Variants in CARD19 observed in about 807,000 individuals in gnomAD.
CARD19 encodes caspase recruitment domain family member 19.
CARD19 carries 25 observed loss-of-function variants against 24.1 expected under a neutral mutation model. The ratio of observed to expected loss-of-function variants is 1.04; its 90% CI spans 0.76 to 1.45. The LOEUF (loss-of-function observed/expected upper bound fraction) is 1.45. Among genes scored for constraint, CARD19 ranks in the 40% most tolerant of loss-of-function variants. The probability of loss-of-function intolerance (pLI) is 0.00; values close to 1 mark genes in which losing one functional copy is unlikely to be tolerated. For synonymous variants in CARD19, 103 were observed against 104.9 expected, an observed-to-expected ratio of 0.98 and a Z score of 0.11; for missense variants, 241 against 247.4, an observed-to-expected ratio of 0.97 and a Z score of 0.17.
In CARD19 at chr9:93,110,640, C is replaced by T. The variant is rs571293179; in HGVS notation, c.223C>T (p.Arg75Trp). ...GAGCCACCTGCAGCGGAGCGGTGAG[C>T]GGGACTGCCAGGAGTTCTACCGAGC... ...LLSHLQRSGE[R>W]DCQEFYRALY... is the part of the protein sequence containing the mutation. The change falls in exon 3 of 6, where the codon CGG becomes TGG. Residue 75 changes from arginine to tryptophan, a missense_variant. Physicochemically the swap from Arg to Trp is moderately radical, Grantham distance 101 (BLOSUM62 -3). Transcript: ENST00000375464. 7.1e-5 allele frequency: 114 copies of T among 1,613,654 alleles called. No individual in the cohort carries two copies. In the South Asian group the frequency reaches 9.1e-4, roughly 13 times the overall value.
In CARD19 at chr9:93,110,675, C is replaced by T. The variant is rs780748063; in HGVS notation, c.258C>T (p.Ile86=). The T allele has an allele frequency of 1.1e-5, 17 of 1,613,220 alleles. No individual in the cohort carries two copies. The highest frequency in any genetic ancestry group is 1.6e-4 in the Middle Eastern group (1 of 6,084). The change falls in exon 3 of 6, where the codon ATC becomes ATT. Residue 86 remains isoleucine (I), a synonymous_variant. Transcript: ENST00000375464. ...DCQEFYRALY[I]HAQPLHSRLP... ...AGGAGTTCTACCGAGCCCTGTATAT[C>T]CATGCCCAGCCCCTGCACAGCCGCC...
rs1267240232 is a variant in CARD19 at position 93,100,974 on chromosome 9, CT to C, written c.7+4626del. Among the ~76,000 whole-genome samples the C allele has an allele frequency of 2.0e-5, 3 of 152,334 alleles. No individual in the cohort carries two copies. The East Asian group carries it at 5.8e-4, about 29-fold the overall frequency. On this transcript the variant is annotated intron_variant, in intron 1 of 5. Coordinates refer to ENST00000375464, the MANE Select transcript of CARD19 (RefSeq NM_032310.5). ...TACCACATTTTGATAATTCATTCGT[CT>C]TTTGGTGAACATTTGCACTATTTCC...
rs1246884140 is a variant in CARD19, at chr9:93,110,508, C to T, written c.151-60C>T. 1.4e-5 allele frequency: 22 copies of T among 1,543,770 alleles called. No individual in the cohort carries two copies. In the Admixed American group the frequency reaches 4.0e-4, roughly 28 times the overall value. ...CTGGGGGCCTGACCTTGGTGCCCTG[C>T]CCTGACCCACAGCCAGCCCCCCTGG... is the stretch of plus-strand genomic sequence containing the variant. On this transcript the variant is annotated intron_variant, in intron 2 of 5. Transcript: ENST00000375464.
At chr9:93,101,901 C>T (rs111912370) in intron 1 of CARD19, among the ~76,000 whole-genome samples, 2,122 of 151,354 alleles carry the variant, frequency 0.014, 58 homozygotes, top group African/African-American at 0.049. Flanking sequence ...CTAATGAGTA[C>T]GAAGTGATAT....
Position 93,110,686 on chromosome 9 carries a change from CCCTGCACAGCCG to C in CARD19, c.275_286del (p.His92_Leu95del), listed in dbSNP as rs1171021100. On this transcript the variant is annotated inframe_deletion, in exon 3 of 6. Transcript: ENST00000375464. ...CGAGCCCTGTATATCCATGCCCAGC[CCCTGCACAGCCG>C]CCTGCCCAGCCGCCACGCTCTGCGT... 1 of 1,612,748 alleles carries C rather than the reference CCCTGCACAGCCG, an allele frequency of 6.2e-7. No individual in the cohort carries two copies.
intron 1 of CARD19, among the ~76,000 whole-genome samples, chr9:93,100,372 G>T (rs543954244): frequency 6.6e-6 from 1 of 152,292 alleles, no homozygotes; most frequent in South Asian, 2.1e-4. Context: ...GTGCAGTGGC[G>T]CACTCTCGGC....
At chr9:93,112,095 G>A (rs1365001400) in intron 4 of CARD19, 123 bp from the exon 5 acceptor site, 8 of 1,339,232 alleles carry the variant, frequency 6.0e-6, no homozygotes, top group Admixed American at 2.0e-5. Flanking sequence ...TAAGGTGCTC[G>A]TTTGGGGGCT....
intron 2 of CARD19, 186 bp from the exon 3 acceptor site, chr9:93,110,382 G>C (rs1827420091): frequency 4.4e-6 from 4 of 915,376 alleles, no homozygotes; most frequent in Non-Finnish European, 6.4e-6. Flanking sequence ...TGATGCCTGT[G>C]ACAGAGGCAA....
chr9:93,112,094 C>A, intron 4 of CARD19, 124 bp from the exon 5 acceptor site: 2 of 1,333,742 alleles, frequency 1.5e-6, no homozygotes, highest in South Asian at 1.3e-5. Context: ...CTAAGGTGCT[C>A]GTTTGGGGGC....
Position 93,110,711 on chromosome 9 carries a change from C to T in CARD19, c.294C>T (p.Arg98=). Residue 98 remains arginine (R), a synonymous_variant, in exon 3 of 6, where the codon CGC becomes CGT. Transcript: ENST00000375464. The part of the protein sequence containing the change: ...AQPLHSRLPS[R]HALQNSDCTE... The stretch of plus-strand genomic sequence containing the variant: ...CCCTGCACAGCCGCCTGCCCAGCCG[C>T]CACGCTCTGCGTAAGTTCCACATCA... 6.2e-7 allele frequency: 1 copy of T among 1,611,370 alleles called. No individual in the cohort carries two copies. The highest frequency in any genetic ancestry group is 8.5e-7 in the Non-Finnish European group (1 of 1,179,806).
intron 2 of CARD19, chr9:93,110,271 A>C (rs938367217): frequency 1.1e-5 from 4 of 367,874 alleles, no homozygotes; most frequent in African/African-American, 4.1e-5. Flanking sequence ...CTGGGATTAC[A>C]GGCATGAGCC....
At chr9:93,103,026 G>T (rs1202842548) in intron 1 of CARD19, among the ~76,000 whole-genome samples, 6 of 152,136 alleles carry the variant, frequency 3.9e-5, no homozygotes, top group South Asian at 4.1e-4. Flanking sequence ...TAAAGAAAAA[G>T]ATTTTAGGGT....
chr9:93,112,393 C>T lies in CARD19; in HGVS notation c.436+104C>T, dbSNP rs1827533162. 23 of 919,276 alleles carry T rather than the reference C, an allele frequency of 2.5e-5. No homozygotes were observed. In the South Asian group the frequency reaches 3.3e-4, roughly 13 times the overall value. The allele number at this position is 919,276 out of a possible 1,614,324, so 56.9% of individuals were successfully genotyped here. A position where few individuals can be genotyped will look rare whatever the true frequency, so the allele number is the denominator to read the frequency against. On this transcript the variant is annotated intron_variant, in intron 5 of 5. Transcript: ENST00000375464. ...TTGGGACCCCTTGGCCTCTTCGTAC[C>T]TCGGTGTCCACACTTGTGCAGTGGG...
At chr9:93,102,546 T>C (rs534307904) in intron 1 of CARD19, among the ~76,000 whole-genome samples, 3 of 152,182 alleles carry the variant, frequency 2.0e-5, no homozygotes, top group Non-Finnish European at 4.4e-5. Flanking sequence ...TCTATGCCAG[T>C]GACCCATATG....
rs543716469 is a variant in CARD19, at chr9:93,096,551, G to T, written c.7+199G>T. On this transcript the variant is annotated intron_variant, in intron 1 of 5. Transcript: ENST00000375464. This position sits in a 1 kb window ranked among gnomAD's most constrained non-coding sequence, Gnocchi z 5.4. ...GGTGTCCCGGGGCTTCTACCCGGCG[G>T]GGCCGTGCCAGCCGAGGCGGTGCCG... Among the ~76,000 whole-genome samples, 269 of 152,294 alleles carry T rather than the reference G, an allele frequency of 1.8e-3. 1 individual carries two copies. Among genetic ancestry groups the T allele is most frequent in the African/African-American group, 6.3e-3 (263 of 41,562 alleles).
rs746979716 is a variant in CARD19, at chr9:93,107,681, C to T, written c.15C>T (p.Thr5=). The T allele has an allele frequency of 1.2e-6, 2 of 1,614,210 alleles. No homozygotes were observed. The highest frequency in any genetic ancestry group is 2.2e-5 in the East Asian group (1 of 44,886). The part of the protein sequence containing the change: MTDQ[T]YCDRLVQDTP... ...CTGTGCTATCTGTTTTAGATCAGACCTATTGTGACCGCCTGGTGCAGGACA... is the reference window on the plus strand; with the variant it reads ...CTGTGCTATCTGTTTTAGATCAGACTTATTGTGACCGCCTGGTGCAGGACA... The change falls in exon 2 of 6, where the codon ACC becomes ACT. Residue 5 remains threonine (T), a synonymous_variant. Coordinates refer to ENST00000375464, the MANE Select transcript of CARD19 (RefSeq NM_032310.5).
Position 93,107,771 on chromosome 9 carries a change from GA to G in CARD19, c.107del (p.Asn36ThrfsTer31). On this transcript the variant is annotated frameshift_variant, in exon 2 of 6. Transcript: ENST00000375464. LOFTEE classifies it high-confidence loss of function. ...QQVDRIILQLNRYYPQILTNK... is the reference protein window; with the variant it reads ...QQVDRIILQLXRYYPQILTNK... Reference sequence around the variant, plus strand: ...AGGTGGACAGGATCATCCTCCAGCTGAACCGTTACTACCCACAGATCCTTAC... The same window carrying G: ...AGGTGGACAGGATCATCCTCCAGCTGACCGTTACTACCCACAGATCCTTAC... 1 of 1,614,246 alleles carries G rather than the reference GA, an allele frequency of 6.2e-7. No individual in the cohort carries two copies. Among genetic ancestry groups the G allele is most frequent in the Non-Finnish European group, 8.5e-7 (1 of 1,180,050 alleles).
intron 1 of CARD19, among the ~76,000 whole-genome samples, chr9:93,104,462 A>T (rs941092628): frequency 9.7e-5 from 6 of 61,964 alleles, no homozygotes; most frequent in African/African-American, 1.9e-4. Context: ...TCTCGTCTTC[A>T]GTTTTTTTTG....
intron 1 of CARD19, among the ~76,000 whole-genome samples, chr9:93,097,083 C>T (rs1587630049): frequency 6.6e-6 from 1 of 152,202 alleles, no homozygotes; most frequent in Non-Finnish European, 1.5e-5. Context: ...TGTGGACCTT[C>T]CCCTGTTGGA....
Sources: allele counts gnomAD v4.1 joint callset (sites outside exome capture counted in the v4.1 genomes callset), GRCh38; gene constraint gnomAD v4.1.1; non-coding constraint Gnocchi (gnomAD v3.1); transcripts MANE v1.5; gene names NCBI Gene and HGNC (gene_info 2026-07-23, HGNC 2026-07-21).